The following KATNIP variants were observed in gnomAD, a reference collection of about 807,000 sequenced individuals.
The protein encoded by KATNIP is katanin-interacting protein.
Under a neutral mutation model 174.0 loss-of-function variants are expected in KATNIP, and 126 were observed. That is an observed-to-expected ratio of 0.72 (90% CI 0.63 to 0.84). The LOEUF is 0.84. Ranked by LOEUF, KATNIP falls within the 40% of genes least tolerant of loss-of-function variation. The pLI is 0.00. For synonymous variants in KATNIP, 810 were observed against 835.7 expected (o/e 0.97, Z 0.53); for missense variants, 1,958 against 2,109.7 (o/e 0.93, Z 1.41).
chr16:27,681,353 C>T (rs768255215), intron 7 of KATNIP, 46 bp from the exon 8 acceptor site: 1 of 1,609,932 alleles, frequency 6.2e-7, no homozygotes. Flanking sequence ...GAATGCCCAA[C>T]TTGCTTGCGC....
chr16:27,658,703 C>T (rs917559406), intron 6 of KATNIP, among the ~76,000 whole-genome samples: 23 of 152,046 alleles, frequency 1.5e-4, no homozygotes, highest in African/African-American at 5.1e-4. Flanking sequence ...GATGGAAGTA[C>T]AGAAGCAGAT....
chr16:27,630,959 T>G, intron 4 of KATNIP, 106 bp from the exon 5 acceptor site: 1 of 825,730 alleles, frequency 1.2e-6, no homozygotes, highest in Non-Finnish European at 2.0e-6. Context: ...TACACAAGAC[T>G]TTGGGCACAC....
intron 15 of KATNIP, among the ~76,000 whole-genome samples, chr16:27,746,250 G>A (rs1004765297): frequency 2.0e-5 from 3 of 152,154 alleles, no homozygotes; most frequent in African/African-American, 4.8e-5. Context: ...TCCCTGACAC[G>A]TGACATTCGG....
chr16:27,769,852 G>C lies in KATNIP; in HGVS notation c.3976-9G>C. 1 of 1,612,090 alleles carries C rather than the reference G, an allele frequency of 6.2e-7. No individual in the cohort carries two copies. The highest frequency in any genetic ancestry group is 2.2e-5 in the East Asian group (1 of 44,822). Reference sequence around the variant, plus strand: ...TCCCTTCAGTCATGTTATTTCTTTTGTTTGCCAGGCCAAGATTGTCCACGT... The same window carrying C: ...TCCCTTCAGTCATGTTATTTCTTTTCTTTGCCAGGCCAAGATTGTCCACGT... On this transcript the variant is annotated splice_polypyrimidine_tract_variant and intron_variant, in intron 20 of 27. Transcript: ENST00000261588.
chr16:27,587,901 TTTTTCTTTTC>T lies in KATNIP; in HGVS notation c.63+13960_63+13969del, dbSNP rs1182283951. ...TTTTTCTTTTCCCTTTTCCCTTTCC[TTTTTCTTTTC>T]TTTTCTTTTCTTTTTTTTTTTTGAG... is the stretch of plus-strand genomic sequence containing the variant. On this transcript the variant is annotated intron_variant, in intron 2 of 27. Transcript: ENST00000261588. Among the ~76,000 whole-genome samples the T allele has an allele frequency of 3.3e-5, 5 of 151,416 alleles. 1 individual carries two copies. Among genetic ancestry groups the T allele is most frequent in the Admixed American group, 1.3e-4 (2 of 15,156 alleles).
intron 1 of KATNIP, among the ~76,000 whole-genome samples, chr16:27,554,005 G>A (rs1217294028): frequency 2.7e-5 from 4 of 149,564 alleles, no homozygotes; most frequent in Non-Finnish European, 5.9e-5. Flanking sequence ...AAGGAAGGAA[G>A]GAAAGAAGGG....
At chr16:27,603,611 C>T (rs1473915275) in intron 2 of KATNIP, among the ~76,000 whole-genome samples, 2 of 152,044 alleles carry the variant, frequency 1.3e-5, no homozygotes, top group Admixed American at 1.3e-4. Context: ...CCCCTTCCTA[C>T]TTTCTTCTTT....
chr16:27,629,316 C>T (rs776197312), intron 4 of KATNIP, among the ~76,000 whole-genome samples: 2 of 152,134 alleles, frequency 1.3e-5, no homozygotes, highest in African/African-American at 2.4e-5. Context: ...TAGTCTTGGC[C>T]TCTACTACCC....
At chr16:27,746,886 C>T (rs2081315309) in intron 15 of KATNIP, among the ~76,000 whole-genome samples, 1 of 152,180 alleles carries the variant, frequency 6.6e-6, no homozygotes, top group Non-Finnish European at 1.5e-5. Context: ...TCTTGATTCT[C>T]AGTGCAGGAG....
intron 5 of KATNIP, among the ~76,000 whole-genome samples, chr16:27,639,945 CG>C (rs2076744938): frequency 6.6e-6 from 1 of 152,224 alleles, no homozygotes; most frequent in Admixed American, 6.5e-5. Context: ...TTAGAGCTCT[CG>C]TACCTCTAGA....
In KATNIP at chr16:27,631,103, GC is replaced by G. The variant is rs1441177734; in HGVS notation, c.351del (p.Leu118Ter). 8 of 1,577,602 alleles carry G rather than the reference GC, an allele frequency of 5.1e-6. No homozygotes were observed. Among genetic ancestry groups the G allele is most frequent in the Non-Finnish European group, 6.9e-6 (8 of 1,160,480 alleles). ...AACTCTGTTTCGAGAAGCTGAAGAA[GC>G]CTTAAGACGCAGTTCACGGACAGCC... ...RRTLFREAEE[A>X]LRRSSRTAPS... On this transcript the variant is annotated frameshift_variant, in exon 5 of 28. Coordinates refer to ENST00000261588, the MANE Select transcript of KATNIP (RefSeq NM_015202.5). LOFTEE classifies it high-confidence loss of function.
chr16:27,619,952 C>A (rs542763761), intron 3 of KATNIP, among the ~76,000 whole-genome samples: 2 of 152,312 alleles, frequency 1.3e-5, no homozygotes, highest in African/African-American at 4.8e-5. Flanking sequence ...TTTATTCAAT[C>A]TCTGGCAGAC....
At chr16:27,686,719 G>C (rs1173909021) in intron 8 of KATNIP, among the ~76,000 whole-genome samples, 34 of 151,380 alleles carry the variant, frequency 2.2e-4, no homozygotes, top group Non-Finnish European at 1.5e-5. Flanking sequence ...CTTTTTTCCT[G>C]TCTATTAGCT....
At chr16:27,552,227 T>A (rs116432260) in intron 1 of KATNIP, among the ~76,000 whole-genome samples, 1 of 152,328 alleles carries the variant, frequency 6.6e-6, no homozygotes, top group African/African-American at 2.4e-5. Flanking sequence ...TTTTTTGTTA[T>A]GCTGTTTTGG....
intron 12 of KATNIP, chr16:27,708,306 A>G (rs1221034631): frequency 6.2e-6 from 1 of 161,984 alleles, no homozygotes; most frequent in African/African-American, 2.4e-5. Flanking sequence ...TACAGGCGTG[A>G]GCCACCGTGC....
intron 18 of KATNIP, among the ~76,000 whole-genome samples, chr16:27,761,108 G>A (rs2081938159): frequency 6.6e-6 from 1 of 152,194 alleles, no homozygotes; most frequent in Non-Finnish European, 1.5e-5. Flanking sequence ...AGAAAGCATG[G>A]GAAGCCACCA....
In KATNIP at chr16:27,749,954, A is replaced by G. The variant is rs2081436711; in HGVS notation, c.2994A>G (p.Ile998Met). The G allele has an allele frequency of 1.2e-6, 2 of 1,614,212 alleles. No individual in the cohort carries two copies. Among genetic ancestry groups the G allele is most frequent in the Non-Finnish European group, 1.7e-6 (2 of 1,180,034 alleles). Residue 998 changes from isoleucine (I) to methionine (M), a missense_variant, in exon 16 of 28, where the codon ATA becomes ATG. Physicochemically the swap from Ile to Met is conservative, Grantham distance 10. This residue lies in a region of KATNIP where 1,557 missense variants were observed against 1,617.8 expected (regional missense o/e 0.96). Transcript: ENST00000261588. ...ATGTCGGCCTCAACGGAATAGAAAT[A>G]TTCAGTTCCAAGGGTGAACCGGTGC... is the stretch of plus-strand genomic sequence containing the variant. Reference protein sequence around the residue: ...RHYVGLNGIEIFSSKGEPVQI... With the variant: ...RHYVGLNGIEMFSSKGEPVQI...
Position 27,777,089 on chromosome 16 carries a change from G to A in KATNIP, c.4551+60G>A, listed in dbSNP as rs955294301. The A allele has an allele frequency of 2.1e-4, 222 of 1,061,452 alleles. 3 individuals are homozygous for A. The South Asian group carries it at 2.4e-3, about 11-fold the overall frequency. The allele number at this position is 1,061,452 out of a possible 1,614,324, so 65.8% of individuals were successfully genotyped here. A position where few individuals can be genotyped will look rare whatever the true frequency, so the allele number is the denominator to read the frequency against. ...TATGCTCGTTGGTAATTAGGCCGCC[G>A]GCAATTATCATTTGTCGCAGTTTGA... is the stretch of plus-strand genomic sequence containing the variant. On this transcript the variant is annotated intron_variant, in intron 25 of 27. Transcript: ENST00000261588. The surrounding 1 kb of genome is among the most constrained non-coding windows in gnomAD (Gnocchi z 4.4).
intron 14 of KATNIP, among the ~76,000 whole-genome samples, chr16:27,729,782 G>A (rs2080589897): frequency 6.6e-6 from 1 of 152,136 alleles, no homozygotes; most frequent in South Asian, 2.1e-4. Flanking sequence ...TCACAACTTT[G>A]ATCCTCTGAC....
Sources: allele counts gnomAD v4.1 joint callset (sites outside exome capture counted in the v4.1 genomes callset), GRCh38; gene constraint gnomAD v4.1.1; regional missense constraint gnomAD v4.1.1; non-coding constraint Gnocchi (gnomAD v3.1); transcripts MANE v1.5; gene names NCBI Gene and HGNC (gene_info 2026-07-23, HGNC 2026-07-21).